The following DHTKD1 variants were observed in gnomAD, a reference collection of about 807,000 sequenced individuals.
DHTKD1 encodes 2-oxoadipate dehydrogenase complex component E1.
Under a neutral mutation model 101.8 loss-of-function variants are expected in DHTKD1, and 78 were observed. That is an observed-to-expected ratio of 0.77 (90% confidence interval 0.64 to 0.93). The LOEUF (loss-of-function observed/expected upper bound fraction) is 0.93. Among genes scored for constraint, DHTKD1 ranks in the 40% least tolerant of loss-of-function variants. DHTKD1 has a pLI of 0.00. For missense variants in DHTKD1, 1,223 were observed against 1,161.7 expected, an observed-to-expected ratio of 1.05 and a Z score of -0.77; for synonymous variants, 462 against 450.3, an observed-to-expected ratio of 1.03 and a Z score of -0.33.
chr10:12,091,724 C>T (rs1832993139), intron 6 of DHTKD1, 40 bp downstream of exon 6: 1 of 1,589,762 alleles, frequency 6.3e-7, no homozygotes, highest in Non-Finnish European at 8.6e-7. Flanking sequence ...CTGAAGCCGA[C>T]ATGGAATTCC....
rs1056463088 is a variant in DHTKD1 at position 12,107,963 on chromosome 10, A to G, written c.2102A>G (p.Tyr701Cys). ...SGIVILLPHG[Y>C]DGAGPDHSSC... ...ATCGTCATCCTCCTTCCACATGGCT[A>G]CGATGGGGCTGGGCCAGACCACTCA... is the stretch of plus-strand genomic sequence containing the variant. The change falls in exon 12 of 17, where the codon TAC becomes TGC. Residue 701 changes from tyrosine (Y) to cysteine (C), a missense_variant. By Grantham distance (194) the Tyr-to-Cys change is radical. Coordinates refer to ENST00000263035, the MANE Select transcript of DHTKD1 (RefSeq NM_018706.7). This position sits in a 1 kb window ranked among gnomAD's most constrained non-coding sequence, Gnocchi z 4.1. 3.7e-6 allele frequency: 6 copies of G among 1,614,086 alleles called. No homozygotes were observed. Among genetic ancestry groups the G allele is most frequent in the Non-Finnish European group, 4.2e-6 (5 of 1,179,966 alleles).
intron 1 of DHTKD1, among the ~76,000 whole-genome samples, chr10:12,074,529 G>GT (rs552495995): frequency 0.017 from 2,431 of 146,292 alleles, 60 homozygotes; most frequent in East Asian, 0.11. Context: ...CTAATTTTTT[G>GT]TTTTTTTTTT....
At chr10:12,101,218 C>A (rs1833165055) in intron 10 of DHTKD1, 37 bp downstream of exon 10, 2 of 1,586,784 alleles carry the variant, frequency 1.3e-6, no homozygotes, top group Non-Finnish European at 1.7e-6. Flanking sequence ...AATCCAGGTG[C>A]CAACGATTAC....
At chr10:12,114,218 T>C (rs1007580871) in intron 13 of DHTKD1, among the ~76,000 whole-genome samples, 6 of 152,142 alleles carry the variant, frequency 3.9e-5, no homozygotes, top group Admixed American at 1.3e-4. Flanking sequence ...TTCAAAATAA[T>C]AAATACTACT....
At chr10:12,073,765 T>A (rs1393809852) in intron 1 of DHTKD1, among the ~76,000 whole-genome samples, 1 of 152,196 alleles carries the variant, frequency 6.6e-6, no homozygotes, top group Admixed American at 6.6e-5. Context: ...GCCCCACAGC[T>A]TGGCATGGGA....
chr10:12,092,262 C>T (rs771241964), intron 6 of DHTKD1, among the ~76,000 whole-genome samples: 9 of 151,932 alleles, frequency 5.9e-5, no homozygotes, highest in Non-Finnish European at 1.3e-4. Context: ...GGATTAAAGG[C>T]GTGAGCCACC....
At chr10:12,102,441 A>G (rs28663005) in intron 10 of DHTKD1, among the ~76,000 whole-genome samples, 10 of 151,062 alleles carry the variant, frequency 6.6e-5, no homozygotes, top group Non-Finnish European at 1.2e-4. Context: ...AAAAAAAAAA[A>G]GAAAATTCAC....
rs112318056 is a variant in DHTKD1 at position 12,118,633 on chromosome 10, T to G, written c.2403-116T>G. 6.3e-5 allele frequency: 40 copies of G among 637,832 alleles called. No individual in the cohort carries two copies. In the South Asian group the frequency reaches 1.4e-3, roughly 23 times the overall value. 39.5% of individuals were successfully genotyped at this position (637,832 alleles called of 1,614,324 possible). ...TCCTGACCTCGTGATCCGCCCGCCT[T>G]GGCCTCCCAAAGTGCTGAGATTACA... On this transcript the variant is annotated intron_variant, in intron 14 of 16. Transcript: ENST00000263035.
rs1833516901 is a variant in DHTKD1 at position 12,120,896 on chromosome 10, T to G, written c.*8T>G. 1 of 1,612,708 alleles carries G rather than the reference T, an allele frequency of 6.2e-7. No homozygotes were observed. The highest frequency in any genetic ancestry group is 8.5e-7 in the Non-Finnish European group (1 of 1,179,154). ...GCCAAGACCTTCGCTTGATGATGAC[T>G]TTTGAAGAAACACTATTTCTCTTTA... On this transcript the variant is annotated 3_prime_UTR_variant, in exon 17 of 17. Transcript: ENST00000263035.
At position 12,100,274 on chromosome 10, in the gene DHTKD1, C is replaced by CTTTTTTT. The variant is rs375494996; in HGVS notation, c.1756+16_1756+22dup. 2.0e-5 allele frequency: 7 copies of CTTTTTTT among 352,982 alleles called. No individual in the cohort carries two copies. The highest frequency in any genetic ancestry group is 9.5e-5 in the South Asian group (2 of 21,094). 21.9% of individuals were successfully genotyped at this position (352,982 alleles called of 1,614,324 possible). A position where few individuals can be genotyped will look rare whatever the true frequency, so the allele number is the denominator to read the frequency against. On this transcript the variant is annotated intron_variant, in intron 9 of 16. Coordinates refer to ENST00000263035, the MANE Select transcript of DHTKD1 (RefSeq NM_018706.7). ...TTTACTTGCTCAAGGTAAGAATTTT[C>CTTTTTTT]TTTTTTTTTTCTGTTTTTTTTTTTT...
At chr10:12,080,666 G>A (rs974159544) in intron 1 of DHTKD1, among the ~76,000 whole-genome samples, 1 of 147,492 alleles carries the variant, frequency 6.8e-6, no homozygotes, top group Non-Finnish European at 1.5e-5. Context: ...AGCCAAGATT[G>A]AACCACTGCA....
Position 12,089,190 on chromosome 10 carries a change from C to G in DHTKD1, c.922C>G (p.Arg308Gly). 2 of 1,614,154 alleles carry G rather than the reference C, an allele frequency of 1.2e-6. No homozygotes were observed. The highest frequency in any genetic ancestry group is 8.5e-7 in the Non-Finnish European group (1 of 1,180,034). The change falls in exon 5 of 17, where the codon CGC (arginine) becomes GGC (glycine). Residue 308 changes from arginine to glycine, a missense_variant. By Grantham distance (125) the Arg-to-Gly change is moderately radical (BLOSUM62 -2). Coordinates refer to ENST00000263035, the MANE Select transcript of DHTKD1 (RefSeq NM_018706.7). ...VGKTRGRQQS[R>G]QDGDYSPDNS... is the part of the protein sequence containing the mutation. ...CAAAACTCGCGGCAGGCAGCAGTCT[C>G]GCCAAGACGGCGATTACTCTCCAGA...
chr10:12,113,944 GCCC>G (rs1403918410), intron 13 of DHTKD1, among the ~76,000 whole-genome samples: 6 of 152,066 alleles, frequency 3.9e-5, no homozygotes, highest in African/African-American at 1.4e-4. Flanking sequence ...AAGTTTTAAA[GCCC>G]ATATGGTCTA....
At chr10:12,100,739 T>C (rs1833156632) in intron 9 of DHTKD1, among the ~76,000 whole-genome samples, 1 of 152,206 alleles carries the variant, frequency 6.6e-6, no homozygotes, top group Admixed American at 6.5e-5. Flanking sequence ...GTATAAGTCA[T>C]GCTGACAACC....
Position 12,095,730 on chromosome 10 carries a change from G to T in DHTKD1, c.1358+1459G>T, listed in dbSNP as rs1034492281. ...CGGGAGGCTGAGGCAGGAGAATGGC[G>T]TGAACCCGGGAGGCGGAGCTTGCAG... On this transcript the variant is annotated intron_variant, in intron 7 of 16. Transcript: ENST00000263035. Among the ~76,000 whole-genome samples, 57 of 140,014 alleles carry T rather than the reference G, an allele frequency of 4.1e-4. 1 individual carries two copies. The highest frequency in any genetic ancestry group is 1.4e-3 in the African/African-American group (54 of 38,378). 91.9% of individuals were successfully genotyped at this position (140,014 alleles called of 152,430 possible).
At chr10:12,085,818 C>T (rs963886945) in intron 3 of DHTKD1, among the ~76,000 whole-genome samples, 12 of 148,222 alleles carry the variant, frequency 8.1e-5, no homozygotes, top group Admixed American at 2.0e-4. Context: ...ACCCAGGAGG[C>T]GGAGGTTGCA....
At chr10:12,084,885 T>C in intron 3 of DHTKD1, 134 bp downstream of exon 3, 2 of 672,884 alleles carry the variant, frequency 3.0e-6, no homozygotes, top group Non-Finnish European at 2.5e-6. Context: ...ACCCCATCTC[T>C]ACTAAAAATA....
chr10:12,118,621 A>T (rs1833461760), intron 14 of DHTKD1, 128 bp from the exon 15 acceptor site: 1 of 523,058 alleles, frequency 1.9e-6, no homozygotes, highest in African/African-American at 1.9e-5. Context: ...TGACCTCGTG[A>T]TCCGCCCGCC....
intron 3 of DHTKD1, among the ~76,000 whole-genome samples, chr10:12,086,389 T>C (rs1270242494): frequency 6.6e-6 from 1 of 151,052 alleles, no homozygotes; most frequent in African/African-American, 2.4e-5. Context: ...CCTGGCTAAT[T>C]TTTTGTATTT....
Sources: gnomAD v4.1 joint callset for allele counts (sites outside exome capture counted in the v4.1 genomes callset) on GRCh38, gnomAD v4.1.1 for gene constraint, Gnocchi (gnomAD v3.1) non-coding constraint, MANE v1.5 for transcripts, NCBI Gene and HGNC (gene_info 2026-07-23, HGNC 2026-07-21) for gene names.